The following PITPNC1 variants were observed in gnomAD, a reference collection of about 807,000 sequenced individuals.
PITPNC1 encodes the protein cytoplasmic phosphatidylinositol transfer protein 1.
PITPNC1 carries 18 observed loss-of-function variants against 44.7 expected under a neutral mutation model. The ratio of observed to expected loss-of-function variants is 0.40; its 90% CI spans 0.28 to 0.60. The LOEUF is 0.60. PITPNC1 is among the 20% of genes least tolerant of loss of function. The probability of loss-of-function intolerance (pLI) is 0.39; values close to 1 mark genes in which losing one functional copy is unlikely to be tolerated. For missense variants in PITPNC1, 290 were observed against 418.4 expected, an observed-to-expected ratio of 0.69 and a Z score of 2.68; for synonymous variants, 141 against 149.6, an observed-to-expected ratio of 0.94 and a Z score of 0.42.
chr17:67,436,608 G>A (rs1442722187), intron 1 of PITPNC1, among the ~76,000 whole-genome samples: 1 of 152,076 alleles, frequency 6.6e-6, no homozygotes, highest in East Asian at 1.9e-4. Context: ...TTTTGCAATG[G>A]GAGCCACTGA....
At chr17:67,470,458 T>A (rs1452952669) in intron 1 of PITPNC1, among the ~76,000 whole-genome samples, 1 of 152,248 alleles carries the variant, frequency 6.6e-6, no homozygotes, top group Non-Finnish European at 1.5e-5. Flanking sequence ...ACTAAAGTCT[T>A]GCCTTTCTTA....
rs903323278 is a variant in PITPNC1 at position 67,378,258 on chromosome 17, C to T, written c.48+56C>T. 5 of 1,225,848 alleles carry T rather than the reference C, an allele frequency of 4.1e-6. No individual in the cohort carries two copies. In the African/African-American group the frequency reaches 4.8e-5, roughly 12 times the overall value. 75.9% of individuals were successfully genotyped at this position (1,225,848 alleles called of 1,614,324 possible). On this transcript the variant is annotated intron_variant, in intron 1 of 8. Coordinates refer to ENST00000581322, the MANE Select transcript of PITPNC1 (RefSeq NM_012417.4). ...GCTCCGGGACCCCCGCCGCTACCGC[C>T]GCCTCCTGGCCGGCGAGCCCCGGGC... is the stretch of plus-strand genomic sequence containing the variant.
chr17:67,596,765 A>C (rs2041465874), intron 5 of PITPNC1, among the ~76,000 whole-genome samples: 1 of 152,090 alleles, frequency 6.6e-6, no homozygotes, highest in Non-Finnish European at 1.5e-5. Flanking sequence ...TGATTTCAAG[A>C]CTGATTGTTC....
intron 1 of PITPNC1, among the ~76,000 whole-genome samples, chr17:67,421,526 A>T (rs541274652): frequency 1.3e-5 from 2 of 152,130 alleles, no homozygotes; most frequent in Non-Finnish European, 2.9e-5. Flanking sequence ...CAGGTGATCC[A>T]CCTGCCTCGG....
intron 1 of PITPNC1, among the ~76,000 whole-genome samples, chr17:67,424,584 G>T (rs1307618319): frequency 6.6e-6 from 1 of 152,066 alleles, no homozygotes; most frequent in Non-Finnish European, 1.5e-5. Context: ...CTGAACCTGG[G>T]AGGCGAAGGT....
intron 1 of PITPNC1, among the ~76,000 whole-genome samples, chr17:67,406,763 T>G (rs2143832833): frequency 6.6e-6 from 1 of 152,048 alleles, no homozygotes; most frequent in East Asian, 1.9e-4. Context: ...ATTTTTGTAT[T>G]TTTAGTAGAG....
rs1567757487 is a variant in PITPNC1 at position 67,647,463 on chromosome 17, G to GTTT, written c.462+15225_462+15226insTTT. 1.9e-3 allele frequency among the ~76,000 whole-genome samples: 174 copies of GTTT among 90,592 alleles called. 14 individuals are homozygous for GTTT. The highest frequency in any genetic ancestry group is 8.5e-3 in the African/African-American group (170 of 19,928). The allele number at this position is 90,592 out of a possible 152,430, so 59.4% of individuals were successfully genotyped here. ...ACACCATCACACCCAGCTAATTTTG[G>GTTT]GTTTTTTTTTTTTTTTTTTTTTTTT... On this transcript the variant is annotated intron_variant, in intron 6 of 8. Coordinates refer to ENST00000581322, the MANE Select transcript of PITPNC1 (RefSeq NM_012417.4).
intron 5 of PITPNC1, among the ~76,000 whole-genome samples, chr17:67,623,732 A>G (rs2041862310): frequency 6.6e-6 from 1 of 152,210 alleles, no homozygotes; most frequent in Non-Finnish European, 1.5e-5. Context: ...AATTGTGCAG[A>G]AAGTACAGAC....
In PITPNC1 at chr17:67,378,009, G is replaced by C. The variant is rs1199517039; in HGVS notation, c.-146G>C. On this transcript the variant is annotated 5_prime_UTR_variant, in exon 1 of 9. Coordinates refer to ENST00000581322, the MANE Select transcript of PITPNC1 (RefSeq NM_012417.4). ...CTCTGGGGCGGAGAGGAGGAAGCCA[G>C]GAGCTGAGCGCGCCGCGGGGGCTGC... 2.2e-6 allele frequency: 1 copy of C among 463,000 alleles called. No individual in the cohort carries two copies. Among genetic ancestry groups the C allele is most frequent in the Non-Finnish European group, 3.7e-6 (1 of 268,344 alleles). The allele number at this position is 463,000 out of a possible 1,614,324, so 28.7% of individuals were successfully genotyped here. A position where few individuals can be genotyped will look rare whatever the true frequency, so the allele number is the denominator to read the frequency against.
At chr17:67,436,529 A>G (rs1397072428) in intron 1 of PITPNC1, among the ~76,000 whole-genome samples, 1 of 152,032 alleles carries the variant, frequency 6.6e-6, no homozygotes, top group Admixed American at 6.6e-5. Flanking sequence ...AAGGAGGGTG[A>G]TGGAACGAAC....
At chr17:67,385,529 T>C (rs1010689417) in intron 1 of PITPNC1, among the ~76,000 whole-genome samples, 1 of 137,352 alleles carries the variant, frequency 7.3e-6, no homozygotes, top group Non-Finnish European at 1.6e-5. Context: ...GAAGCTTTGC[T>C]CTTTTGCTGT....
intron 6 of PITPNC1, among the ~76,000 whole-genome samples, chr17:67,645,986 G>A (rs555485723): frequency 8.5e-5 from 13 of 152,134 alleles, no homozygotes; most frequent in Admixed American, 2.0e-4. Context: ...TTAGACAGGC[G>A]TGGTGGCGGG....
intron 6 of PITPNC1, 138 bp from the exon 7 acceptor site, chr17:67,669,370 C>A (rs2042475462): frequency 3.4e-6 from 2 of 580,234 alleles, no homozygotes; most frequent in Non-Finnish European, 5.8e-6. Flanking sequence ...CCCGCCTCAG[C>A]CTCCCAAAGT....
chr17:67,471,909 A>T (rs2039541980), intron 1 of PITPNC1, among the ~76,000 whole-genome samples: 1 of 152,092 alleles, frequency 6.6e-6, no homozygotes, highest in Non-Finnish European at 1.5e-5. Context: ...ATATCATAAT[A>T]GTCACTTTCA....
At chr17:67,514,741 G>T (rs1029727490) in intron 1 of PITPNC1, among the ~76,000 whole-genome samples, 1 of 152,032 alleles carries the variant, frequency 6.6e-6, no homozygotes, top group East Asian at 1.9e-4. Context: ...CACGAGAATC[G>T]CTTGAACCTG....
At chr17:67,434,387 A>C (rs2038901996) in intron 1 of PITPNC1, among the ~76,000 whole-genome samples, 1 of 152,192 alleles carries the variant, frequency 6.6e-6, no homozygotes, top group Admixed American at 6.5e-5. Context: ...AGCAAGAGGA[A>C]GCCTCCCACC....
chr17:67,401,168 C>G (rs1013707151), intron 1 of PITPNC1, among the ~76,000 whole-genome samples: 1 of 152,178 alleles, frequency 6.6e-6, no homozygotes, highest in African/African-American at 2.4e-5. Flanking sequence ...CTCCTGACCT[C>G]AAGTGATCCG....
intron 2 of PITPNC1, among the ~76,000 whole-genome samples, chr17:67,533,787 G>C (rs758750806): frequency 5.3e-5 from 8 of 152,220 alleles, no homozygotes; most frequent in Non-Finnish European, 7.3e-5. Context: ...CCTTTTGGAA[G>C]GGAAACACAT....
chr17:67,589,765 C>T (rs764435813), intron 5 of PITPNC1, among the ~76,000 whole-genome samples: 1 of 152,070 alleles, frequency 6.6e-6, no homozygotes, highest in Non-Finnish European at 1.5e-5. Context: ...TTCAGGAGTT[C>T]GAGACCAGCC....
Sources: allele counts gnomAD v4.1 joint callset (sites outside exome capture counted in the v4.1 genomes callset), GRCh38; gene constraint gnomAD v4.1.1; transcripts MANE v1.5; gene names NCBI Gene and HGNC (gene_info 2026-07-23, HGNC 2026-07-21).